PLXDC2: variants seen among roughly 807,000 people sequenced by gnomAD.
The protein encoded by PLXDC2 is plexin domain-containing protein 2.
A neutral mutation model predicts 68.9 loss-of-function variants in PLXDC2; 40 were observed. That is an observed-to-expected ratio of 0.58 (90% CI 0.45 to 0.76). PLXDC2 has a LOEUF of 0.76. Among genes scored for constraint, PLXDC2 ranks in the 30% least tolerant of loss-of-function variants. The pLI is 0.00. For synonymous variants in PLXDC2, 243 were observed against 234.2 expected (o/e 1.04, Z -0.34); for missense variants, 644 against 661.9 (o/e 0.97, Z 0.30).
intron 4 of PLXDC2, among the ~76,000 whole-genome samples, chr10:20,137,266 G>A (rs1203195904): frequency 2.6e-5 from 4 of 152,048 alleles, no homozygotes; most frequent in East Asian, 1.9e-4. Flanking sequence ...TTAAGCATTC[G>A]TCTTGTAGTA....
intron 2 of PLXDC2, among the ~76,000 whole-genome samples, chr10:20,024,302 G>A (rs1411848769): frequency 6.6e-6 from 1 of 152,098 alleles, no homozygotes; most frequent in Non-Finnish European, 1.5e-5. Context: ...TGGACTAATT[G>A]GTAAGAGATC....
At chr10:20,112,352 AG>A (rs1376075447) in intron 4 of PLXDC2, among the ~76,000 whole-genome samples, 8 of 151,750 alleles carry the variant, frequency 5.3e-5, no homozygotes, top group Non-Finnish European at 1.2e-4. Context: ...AAAAAAAAAA[AG>A]GTTCTACTTT....
At chr10:19,862,971 C>T (rs1217194082) in intron 1 of PLXDC2, among the ~76,000 whole-genome samples, 3 of 152,064 alleles carry the variant, frequency 2.0e-5, no homozygotes, top group Non-Finnish European at 2.9e-5. Context: ...ATGGAAGTAG[C>T]GTGTGTCTGT....
chr10:20,232,646 C>G (rs1298418245), intron 12 of PLXDC2, among the ~76,000 whole-genome samples: 1 of 152,096 alleles, frequency 6.6e-6, no homozygotes. Context: ...TAGTATGATT[C>G]AATTTATGTG....
intron 1 of PLXDC2, among the ~76,000 whole-genome samples, chr10:19,872,017 G>A (rs1837547988): frequency 6.6e-6 from 1 of 152,142 alleles, no homozygotes; most frequent in Non-Finnish European, 1.5e-5. Flanking sequence ...TGGGTACCTG[G>A]CATGTTAGGC....
At chr10:19,915,794 G>A (rs1325028304) in intron 1 of PLXDC2, among the ~76,000 whole-genome samples, 2 of 151,700 alleles carry the variant, frequency 1.3e-5, no homozygotes, top group Non-Finnish European at 2.9e-5. Context: ...AAATATGCTT[G>A]CCCCATCCTT....
intron 1 of PLXDC2, among the ~76,000 whole-genome samples, chr10:19,920,341 A>G (rs949488038): frequency 9.9e-5 from 15 of 152,220 alleles, no homozygotes; most frequent in African/African-American, 3.6e-4. Context: ...GCATTTCCCA[A>G]GACCAACCTG....
At chr10:19,871,622 A>G (rs1346038711) in intron 1 of PLXDC2, among the ~76,000 whole-genome samples, 1 of 152,032 alleles carries the variant, frequency 6.6e-6, no homozygotes, top group Non-Finnish European at 1.5e-5. Context: ...GGCCAGATGC[A>G]TAATCCCAGC....
Position 19,819,664 on chromosome 10 carries a change from A to G in PLXDC2, c.112+2473A>G, listed in dbSNP as rs76811769. Among the ~76,000 whole-genome samples the G allele has an allele frequency of 2.5e-3, 387 of 152,324 alleles. 9 individuals are homozygous for G. The East Asian group carries it at 0.053, about 21-fold the overall frequency. ...GGCAGATAAACTGCTAATTTCCTCT[A>G]TTATTCCCTTTTCTGTTTTAGAGGG... On this transcript the variant is annotated intron_variant, in intron 1 of 13. Coordinates refer to ENST00000377252, the MANE Select transcript of PLXDC2 (RefSeq NM_032812.9).
At chr10:20,075,611 G>T (rs1775698712) in intron 4 of PLXDC2, among the ~76,000 whole-genome samples, 1 of 152,158 alleles carries the variant, frequency 6.6e-6, no homozygotes, top group African/African-American at 2.4e-5. Flanking sequence ...AGCATAATTG[G>T]AAATTAAGCC....
chr10:20,006,759 A>C (rs1205489155), intron 2 of PLXDC2, among the ~76,000 whole-genome samples: 1 of 152,226 alleles, frequency 6.6e-6, no homozygotes, highest in Non-Finnish European at 1.5e-5. Flanking sequence ...GAATTCTTCC[A>C]GTTAAGGTTT....
intron 2 of PLXDC2, among the ~76,000 whole-genome samples, chr10:20,002,260 CTT>C (rs34210865): frequency 5.2e-4 from 72 of 138,328 alleles, no homozygotes; most frequent in Non-Finnish European, 4.8e-4. Context: ...TGTGTAAGAG[CTT>C]TTTTTTTTTT....
chr10:19,827,413 G>A (rs1564601249), intron 1 of PLXDC2, among the ~76,000 whole-genome samples: 2 of 152,070 alleles, frequency 1.3e-5, no homozygotes, highest in Non-Finnish European at 2.9e-5. Context: ...CAAACTCTTG[G>A]GCTTTTGATT....
intron 1 of PLXDC2, among the ~76,000 whole-genome samples, chr10:19,895,517 CAA>C (rs1180537916): frequency 1.3e-5 from 2 of 152,142 alleles, no homozygotes; most frequent in African/African-American, 4.8e-5. Flanking sequence ...CCTTGGGTAA[CAA>C]ATATAAAAAT....
At chr10:19,884,704 A>G (rs1443464685) in intron 1 of PLXDC2, among the ~76,000 whole-genome samples, 2 of 152,202 alleles carry the variant, frequency 1.3e-5, no homozygotes, top group Admixed American at 6.5e-5. Context: ...ATGGCTGCAT[A>G]GTATTCCATG....
chr10:20,127,017 A>T (rs754175638), intron 4 of PLXDC2, among the ~76,000 whole-genome samples: 2 of 151,576 alleles, frequency 1.3e-5, no homozygotes, highest in South Asian at 4.1e-4. Context: ...GCTTGAATCT[A>T]TAAGTGCTAA....
chr10:19,869,681 G>A (rs1052056263), intron 1 of PLXDC2, among the ~76,000 whole-genome samples: 34 of 151,788 alleles, frequency 2.2e-4, no homozygotes, highest in African/African-American at 7.7e-4. Context: ...ATATTGAATA[G>A]TATTTATTTG....
At chr10:20,198,052 G>A (rs781120443) in intron 9 of PLXDC2, among the ~76,000 whole-genome samples, 1 of 152,106 alleles carries the variant, frequency 6.6e-6, no homozygotes, top group East Asian at 1.9e-4. Flanking sequence ...CTAAAGGTGG[G>A]TGCTGTAACC....
chr10:19,922,294 C>A (rs565523644), intron 1 of PLXDC2, among the ~76,000 whole-genome samples: 1 of 152,320 alleles, frequency 6.6e-6, no homozygotes, highest in Admixed American at 6.5e-5. Context: ...AGATAGTGTT[C>A]CAGTGTGGTT....
Sources: allele counts gnomAD v4.1 joint callset (sites outside exome capture counted in the v4.1 genomes callset), GRCh38; gene constraint gnomAD v4.1.1; transcripts MANE v1.5; gene names NCBI Gene and HGNC (gene_info 2026-07-23, HGNC 2026-07-21).